ZYG11A: variants seen among roughly 807,000 people sequenced by gnomAD.
The protein encoded by ZYG11A is protein zyg-11 homolog A.
Under a neutral mutation model 77.2 loss-of-function variants are expected in ZYG11A, and 62 were observed. That is an observed-to-expected ratio of 0.80 (90% CI 0.65 to 0.99). The LOEUF (loss-of-function observed/expected upper bound fraction) is 0.99, where lower values mean the gene tolerates loss of function less well. Among genes scored for constraint, ZYG11A ranks in the 50% least tolerant of loss-of-function variants. ZYG11A has a pLI of 0.00. For synonymous variants in ZYG11A, 315 were observed against 324.6 expected (o/e 0.97, Z 0.32); for missense variants, 828 against 896.8 (o/e 0.92, Z 0.98).
rs1246306067 is a variant in ZYG11A at position 52,864,151 on chromosome 1, C to T, written c.1320C>T (p.Tyr440=). The change falls in exon 5 of 14, where the codon TAC becomes TAT. Residue 440 remains tyrosine, a synonymous_variant. Transcript: ENST00000371528. Reference sequence around the variant, plus strand: ...AGGCTCTGAAAAATTTCCCCCATTACCAGCAGGTAATTTCAATTGAATATT... The same window carrying T: ...AGGCTCTGAAAAATTTCCCCCATTATCAGCAGGTAATTTCAATTGAATATT... The part of the protein sequence containing the change: ...LFKALKNFPH[Y]QQLQKNCLLS... The T allele has an allele frequency of 4.5e-6, 7 of 1,551,106 alleles. No homozygotes were observed. Among genetic ancestry groups the T allele is most frequent in the African/African-American group, 1.4e-5 (1 of 73,028 alleles).
At chr1:52,878,105 C>G (rs1419080208) in intron 10 of ZYG11A, 136 bp downstream of exon 10, 4 of 731,464 alleles carry the variant, frequency 5.5e-6, no homozygotes, top group Non-Finnish European at 9.0e-6. Flanking sequence ...ATTAGCCCTA[C>G]AGAGTAAATA....
chr1:52,856,024 T>A (rs1230942183), intron 2 of ZYG11A, among the ~76,000 whole-genome samples: 1 of 152,222 alleles, frequency 6.6e-6, no homozygotes, highest in African/African-American at 2.4e-5. Context: ...TCATTATCTT[T>A]TTGAGGAACT....
intron 10 of ZYG11A, among the ~76,000 whole-genome samples, chr1:52,879,241 C>T (rs139287174): frequency 1.3e-5 from 2 of 152,290 alleles, no homozygotes; most frequent in East Asian, 3.9e-4. Flanking sequence ...AATACGGATG[C>T]ATGAAATATG....
intron 13 of ZYG11A, among the ~76,000 whole-genome samples, chr1:52,890,983 C>T (rs1201449795): frequency 6.6e-6 from 1 of 151,938 alleles, no homozygotes; most frequent in African/African-American, 2.4e-5. Context: ...ACTGCAACCT[C>T]TGCCTCCTGG....
At chr1:52,868,939 G>A (rs1203413765) in intron 8 of ZYG11A, among the ~76,000 whole-genome samples, 6 of 151,926 alleles carry the variant, frequency 3.9e-5, no homozygotes, top group Admixed American at 6.6e-5. Context: ...GGGTTCAAGC[G>A]GTTATCCTGC....
At chr1:52,884,903 T>C (rs1300687490) in intron 11 of ZYG11A, among the ~76,000 whole-genome samples, 1 of 151,744 alleles carries the variant, frequency 6.6e-6, no homozygotes, top group East Asian at 1.9e-4. Context: ...TCTTTTTCTT[T>C]CTTTTTTTTT....
In ZYG11A at chr1:52,885,906, GTGT is replaced by G. The variant is rs1001852527; in HGVS notation, c.2006+16_2006+18del. The G allele has an allele frequency of 1.3e-6, 2 of 1,516,772 alleles. No homozygotes were observed. The highest frequency in any genetic ancestry group is 2.8e-5 in the African/African-American group (2 of 70,544). The allele number at this position is 1,516,772 out of a possible 1,614,324, so 94.0% of individuals were successfully genotyped here. ...TTGGTGACCTATAGGTAATTTCATG[GTGT>G]TGTGCTTTTCTTCTTTTTTTTTTCT... On this transcript the variant is annotated intron_variant, in intron 12 of 13. Transcript: ENST00000371528.
At chr1:52,843,667 T>C (rs1376478536) in intron 1 of ZYG11A, among the ~76,000 whole-genome samples, 3 of 151,164 alleles carry the variant, frequency 2.0e-5, no homozygotes, top group Non-Finnish European at 4.4e-5. Flanking sequence ...GTGTTAAGTG[T>C]CGCCTTTCTT....
intron 6 of ZYG11A, 22 bp from the exon 7 acceptor site, chr1:52,867,517 A>G (rs1315419425): frequency 6.7e-7 from 1 of 1,499,718 alleles, no homozygotes; most frequent in Non-Finnish European, 9.1e-7. Flanking sequence ...TAATTGTGAG[A>G]AAAATAAATA....
At chr1:52,846,630 C>T (rs1156984348) in intron 1 of ZYG11A, among the ~76,000 whole-genome samples, 4 of 151,592 alleles carry the variant, frequency 2.6e-5, no homozygotes, top group African/African-American at 4.8e-5. Context: ...CAAGCCATCG[C>T]GCCCGGCCAA....
chr1:52,881,754 A>G (rs1360231886), intron 11 of ZYG11A, 89 bp downstream of exon 11: 7 of 1,059,136 alleles, frequency 6.6e-6, no homozygotes, highest in Admixed American at 3.1e-5. Flanking sequence ...ATATGATTGT[A>G]GAAAGTGGGA....
intron 11 of ZYG11A, among the ~76,000 whole-genome samples, chr1:52,882,723 C>T (rs1253449668): frequency 6.6e-6 from 1 of 152,144 alleles, no homozygotes; most frequent in Non-Finnish European, 1.5e-5. Flanking sequence ...TTTTACTTGT[C>T]AGGATCACTG....
chr1:52,853,674 C>G (rs1185966736), intron 1 of ZYG11A, among the ~76,000 whole-genome samples: 1 of 152,076 alleles, frequency 6.6e-6, no homozygotes, highest in African/African-American at 2.4e-5. Flanking sequence ...CTTGGGGAAG[C>G]TGAAGTGGGA....
At chr1:52,870,597 A>G (rs1409385521) in intron 8 of ZYG11A, among the ~76,000 whole-genome samples, 3 of 152,352 alleles carry the variant, frequency 2.0e-5, no homozygotes, top group Non-Finnish European at 2.9e-5. Context: ...ACGAGACTCC[A>G]TCTGCCATCC....
chr1:52,877,149 G>T (rs973827648), intron 8 of ZYG11A, among the ~76,000 whole-genome samples: 1 of 151,980 alleles, frequency 6.6e-6, no homozygotes, highest in Admixed American at 6.6e-5. Context: ...GTTCCTGCAT[G>T]TCCCCATTTC....
intron 13 of ZYG11A, among the ~76,000 whole-genome samples, chr1:52,888,519 G>A (rs970186369): frequency 6.6e-6 from 1 of 152,032 alleles, no homozygotes; most frequent in African/African-American, 2.4e-5. Flanking sequence ...CACCACACCT[G>A]GCTAATTTTT....
At chr1:52,873,140 C>T (rs1005782883) in intron 8 of ZYG11A, among the ~76,000 whole-genome samples, 3 of 151,350 alleles carry the variant, frequency 2.0e-5, no homozygotes, top group Non-Finnish European at 4.4e-5. Context: ...GGCAACGTGG[C>T]GAAATCCTGT....
chr1:52,847,916 C>T (rs913829287), intron 1 of ZYG11A, among the ~76,000 whole-genome samples: 6 of 151,652 alleles, frequency 4.0e-5, no homozygotes, highest in African/African-American at 1.5e-4. Context: ...GTCGCCTAGG[C>T]TGGAGTGCAG....
rs1214756859 is a variant in ZYG11A at position 52,866,507 on chromosome 1, A to G, written c.1331A>G (p.Gln444Arg). Residue 444 changes from glutamine to arginine, a missense_variant, in exon 6 of 14, where the codon CAG (glutamine) becomes CGG (arginine). Physicochemically the swap from Gln to Arg is conservative, Grantham distance 43 (BLOSUM62 1). Coordinates refer to ENST00000371528, the MANE Select transcript of ZYG11A (RefSeq NM_001004339.3). ...TTTTTCTTTATTCTCTAAAAGTTACAGAAGAATTGTCTTCTCTCCTTAACC... is the reference window on the plus strand; with the variant it reads ...TTTTTCTTTATTCTCTAAAAGTTACGGAAGAATTGTCTTCTCTCCTTAACC... The part of the protein sequence containing the change: ...LKNFPHYQQL[Q>R]KNCLLSLTNS... The G allele has an allele frequency of 1.3e-6, 2 of 1,502,584 alleles. No individual in the cohort carries two copies. The highest frequency in any genetic ancestry group is 1.2e-5 in the South Asian group (1 of 82,518). 93.1% of individuals were successfully genotyped at this position (1,502,584 alleles called of 1,614,324 possible). A position where few individuals can be genotyped will look rare whatever the true frequency, so the allele number is the denominator to read the frequency against.
Sources: gnomAD v4.1 joint callset for allele counts (sites outside exome capture counted in the v4.1 genomes callset) on GRCh38, gnomAD v4.1.1 for gene constraint, MANE v1.5 for transcripts, NCBI Gene and HGNC (gene_info 2026-07-23, HGNC 2026-07-21) for gene names.